The following PRKCG variants were observed in gnomAD, a reference collection of about 807,000 sequenced individuals.
PRKCG encodes protein kinase C gamma type.
In PRKCG, 28 loss-of-function variants were observed where a neutral mutation model predicts 82.0. The observed-to-expected ratio is 0.34, with a 90% CI of 0.25 to 0.47. The LOEUF (loss-of-function observed/expected upper bound fraction) is 0.47, where lower values mean the gene tolerates loss of function less well. Ranked by LOEUF, PRKCG falls within the 20% of genes least tolerant of loss-of-function variation. The probability of loss-of-function intolerance (pLI) is 1.00; values close to 1 mark genes in which losing one functional copy is unlikely to be tolerated. For missense variants in PRKCG, 640 were observed against 952.7 expected (o/e 0.67, Z 4.32); for synonymous variants, 383 against 376.6 (o/e 1.02, Z -0.20).
Position 53,907,026 on chromosome 19 carries a change from G to A in PRKCG, c.*131G>A, listed in dbSNP as rs865806097. ...ACCCCAGCATTCCAGCTCTGCCCCCGCGGGTTCTAGACGCCCCTCCCAAGC... is the reference window on the plus strand; with the variant it reads ...ACCCCAGCATTCCAGCTCTGCCCCCACGGGTTCTAGACGCCCCTCCCAAGC... On this transcript the variant is annotated 3_prime_UTR_variant, in exon 18 of 18. Transcript: ENST00000263431. The A allele has an allele frequency of 2.0e-6, 3 of 1,508,116 alleles. No individual in the cohort carries two copies. The highest frequency in any genetic ancestry group is 2.6e-6 in the Non-Finnish European group (3 of 1,137,208). 93.4% of individuals were successfully genotyped at this position (1,508,116 alleles called of 1,614,324 possible).
At chr19:53,906,072 C>CTTCTTCTTCTTCTTCTTCTT (rs2068804789) in intron 16 of PRKCG, among the ~76,000 whole-genome samples, 1 of 52,288 alleles carries the variant, frequency 1.9e-5, no homozygotes, top group Non-Finnish European at 3.2e-5. Context: ...TCCTCCTCCT[C>CTTCTTCTTCTTCTTCTTCTT]CTCCTCCTCC....
At position 53,892,802 on chromosome 19, in the gene PRKCG, CT is replaced by C. The variant is rs1388650267; in HGVS notation, c.821+160del. Reference sequence around the variant, plus strand: ...CACACGCACACACACGCACACACCCCTCTCTCTCTATTCTTCTCTTCTTCTC... The same window carrying C: ...CACACGCACACACACGCACACACCCCCTCTCTCTATTCTTCTCTTCTTCTC... On this transcript the variant is annotated intron_variant, in intron 7 of 17. Transcript: ENST00000263431. This position sits in a 1 kb window ranked among gnomAD's most constrained non-coding sequence, Gnocchi z 5.9. 2.8e-5 allele frequency among the ~76,000 whole-genome samples: 4 copies of C among 144,162 alleles called. No individual in the cohort carries two copies. The highest frequency in any genetic ancestry group is 4.5e-5 in the Non-Finnish European group (3 of 66,092). 94.6% of individuals were successfully genotyped at this position (144,162 alleles called of 152,430 possible). A position where few individuals can be genotyped will look rare whatever the true frequency, so the allele number is the denominator to read the frequency against.
rs781735025 is a variant in PRKCG at position 53,906,805 on chromosome 19, C to T, written c.2004C>T (p.Ala668=). The T allele has an allele frequency of 1.9e-6, 3 of 1,613,790 alleles. No individual in the cohort carries two copies. Among genetic ancestry groups the T allele is most frequent in the East Asian group, 4.5e-5 (2 of 44,852 alleles). Residue 668 remains alanine, a synonymous_variant, in exon 18 of 18, where the codon GCC becomes GCT. Coordinates refer to ENST00000263431, the MANE Select transcript of PRKCG (RefSeq NM_002739.5). ...TAGTCCTGGCCAGCATCGACCAGGC[C>T]GATTTCCAGGGCTTCACCTACGTGA... The part of the protein sequence containing the change: ...DRLVLASIDQ[A]DFQGFTYVNP...
At chr19:53,891,574 G>A in intron 5 of PRKCG, 100 bp from the exon 6 acceptor site, 1 of 1,485,936 alleles carries the variant, frequency 6.7e-7, no homozygotes, top group Non-Finnish European at 9.4e-7. Context: ...GAGCCGCCGT[G>A]CCTGGCCAAG....
At chr19:53,895,154 G>A (rs115625244) in intron 9 of PRKCG, among the ~76,000 whole-genome samples, 3 of 152,122 alleles carry the variant, frequency 2.0e-5, no homozygotes, top group African/African-American at 7.2e-5. Flanking sequence ...AAACAAAAAA[G>A]TTCCTTTCCT....
At chr19:53,894,120 C>A (rs1326714322) in intron 9 of PRKCG, among the ~76,000 whole-genome samples, 3 of 151,862 alleles carry the variant, frequency 2.0e-5, no homozygotes, top group Non-Finnish European at 4.4e-5. Context: ...GGCTGGAGTG[C>A]AGTGGTGCGA....
At chr19:53,903,963 G>T (rs2068783225) in intron 15 of PRKCG, among the ~76,000 whole-genome samples, 1 of 152,136 alleles carries the variant, frequency 6.6e-6, no homozygotes, top group Admixed American at 6.5e-5. Flanking sequence ...TTTTGATGTA[G>T]CAATGACTAA....
At position 53,889,787 on chromosome 19, in the gene PRKCG, G is replaced by A; in HGVS notation, c.397+38G>A. The A allele has an allele frequency of 3.1e-6, 5 of 1,602,788 alleles. No individual in the cohort carries two copies. Among genetic ancestry groups the A allele is most frequent in the Non-Finnish European group, 3.4e-6 (4 of 1,174,722 alleles). On this transcript the variant is annotated intron_variant, in intron 4 of 17. Coordinates refer to ENST00000263431, the MANE Select transcript of PRKCG (RefSeq NM_002739.5). The surrounding 1 kb of genome is among the most constrained non-coding windows in gnomAD (Gnocchi z 4.4). ...GGCCTTGCCAGGGCCCTTCCAAAGC[G>A]CCCGGTCTGGGTTCCGGGAAATGCC... is the stretch of plus-strand genomic sequence containing the variant.
intron 3 of PRKCG, among the ~76,000 whole-genome samples, chr19:53,885,395 AT>A (rs879905013): frequency 6.6e-6 from 1 of 151,504 alleles, no homozygotes; most frequent in Non-Finnish European, 1.5e-5. Flanking sequence ...CACCCCGCTA[AT>A]TTTTTTTGTA....
chr19:53,890,673 C>T (rs1020407402), intron 5 of PRKCG, among the ~76,000 whole-genome samples: 16 of 151,174 alleles, frequency 1.1e-4, no homozygotes, highest in Admixed American at 2.6e-4. Flanking sequence ...TCTCTGCCTC[C>T]GGGGTTCAAG....
rs1418215055 is a variant in PRKCG, at chr19:53,890,037, C to T, written c.529+20C>T. The T allele has an allele frequency of 8.4e-6, 13 of 1,547,918 alleles. No homozygotes were observed. The African/African-American group carries it at 1.4e-4, about 16-fold the overall frequency. ...TAACTGGTGAGGCCCCGCCCCCTCG[C>T]CTGGCCCCGCCCCCTCCCCAAGTGT... On this transcript the variant is annotated intron_variant, in intron 5 of 17. Coordinates refer to ENST00000263431, the MANE Select transcript of PRKCG (RefSeq NM_002739.5).
At position 53,882,701 on chromosome 19, in the gene PRKCG, G is replaced by A. The variant is rs1233175554; in HGVS notation, c.170+37G>A. 2 of 1,450,738 alleles carry A rather than the reference G, an allele frequency of 1.4e-6. No homozygotes were observed. The highest frequency in any genetic ancestry group is 1.9e-6 in the Non-Finnish European group (2 of 1,037,616). 89.9% of individuals were successfully genotyped at this position (1,450,738 alleles called of 1,614,324 possible). On this transcript the variant is annotated intron_variant, in intron 1 of 17. Coordinates refer to ENST00000263431, the MANE Select transcript of PRKCG (RefSeq NM_002739.5). This position sits in a 1 kb window ranked among gnomAD's most constrained non-coding sequence, Gnocchi z 6.1. ...GGGCTGGGGGACTGGGGGACGAGGGGACTAGGGGTGCAGACTCCTATCACG... is the reference window on the plus strand; with the variant it reads ...GGGCTGGGGGACTGGGGGACGAGGGAACTAGGGGTGCAGACTCCTATCACG...
chr19:53,883,483 GGGGGAA>G lies in PRKCG; in HGVS notation c.202+294_202+299del, dbSNP rs2068608451. 6.6e-6 allele frequency among the ~76,000 whole-genome samples: 1 copy of G among 152,012 alleles called. No homozygotes were observed. The highest frequency in any genetic ancestry group is 6.6e-5 in the Admixed American group (1 of 15,262). ...GAGATTTGGAAAAGGGGAGCTGAAG[GGGGGAA>G]GGGGGAGGGGGCTGGAGATGCAAAG... is the stretch of plus-strand genomic sequence containing the variant. On this transcript the variant is annotated intron_variant, in intron 2 of 17. Coordinates refer to ENST00000263431, the MANE Select transcript of PRKCG (RefSeq NM_002739.5). This position sits in a 1 kb window ranked among gnomAD's most constrained non-coding sequence, Gnocchi z 5.4.
chr19:53,896,386 AT>A, intron 9 of PRKCG, among the ~76,000 whole-genome samples: 1 of 72,776 alleles, frequency 1.4e-5, no homozygotes, highest in African/African-American at 3.8e-5. Context: ...GATTATTATT[AT>A]TATTATTATT....
chr19:53,906,452 C>T lies in PRKCG; in HGVS notation c.1900C>T (p.Arg634Cys), dbSNP rs980400591. The T allele has an allele frequency of 2.5e-6, 4 of 1,574,964 alleles. No homozygotes were observed. The highest frequency in any genetic ancestry group is 1.2e-5 in the South Asian group (1 of 86,546). The change falls in exon 17 of 18, where the codon CGC becomes TGC. Residue 634 changes from arginine (R) to cysteine (C), a missense_variant. This residue lies in a region of PRKCG where 198 missense variants were observed against 273.4 expected (regional missense o/e 0.72). Transcript: ENST00000263431. ...GGAGATCCCGCCTCCTTTCAGACCC[C>T]GCCCGGTCAGTCACCCTCCAGGCAA... ...RLEIPPPFRP[R>C]PCGRSGENFD...
At chr19:53,899,031 G>T (rs1444484459) in intron 11 of PRKCG, among the ~76,000 whole-genome samples, 1 of 150,748 alleles carries the variant, frequency 6.6e-6, no homozygotes, top group Non-Finnish European at 1.5e-5. Context: ...AATAGGCGTG[G>T]CCAGGCAGAT....
chr19:53,893,227 G>A (rs914927223), intron 8 of PRKCG, 135 bp from the exon 9 acceptor site: 20 of 1,270,804 alleles, frequency 1.6e-5, no homozygotes, highest in African/African-American at 4.4e-5. Context: ...TAGGGGACTC[G>A]AGCCCCAGGG....
rs888657950 is a variant in PRKCG, at chr19:53,892,224, G to C, written c.687-285G>C. On this transcript the variant is annotated intron_variant, in intron 6 of 17. Coordinates refer to ENST00000263431, the MANE Select transcript of PRKCG (RefSeq NM_002739.5). This position sits in a 1 kb window ranked among gnomAD's most constrained non-coding sequence, Gnocchi z 5.9. ...TGATAGAGACCCAGAGAGGAGAGAA[G>C]GGTACAGAGACTCAGAGAGAGAGAT... Among the ~76,000 whole-genome samples the C allele has an allele frequency of 5.9e-5, 9 of 152,102 alleles. No individual in the cohort carries two copies. The highest frequency in any genetic ancestry group is 2.0e-4 in the Admixed American group (3 of 15,270).
chr19:53,888,012 A>G (rs541800965), intron 3 of PRKCG, among the ~76,000 whole-genome samples: 2 of 152,252 alleles, frequency 1.3e-5, no homozygotes, highest in South Asian at 2.1e-4. Flanking sequence ...ACTCTGATGT[A>G]TGTAACCACA....
Sources: allele counts gnomAD v4.1 joint callset (sites outside exome capture counted in the v4.1 genomes callset), GRCh38; gene constraint gnomAD v4.1.1; regional missense constraint gnomAD v4.1.1; non-coding constraint Gnocchi (gnomAD v3.1); transcripts MANE v1.5; gene names NCBI Gene and HGNC (gene_info 2026-07-23, HGNC 2026-07-21).